FAM227B: variants seen among roughly 807,000 people sequenced by gnomAD.
FAM227B encodes family with sequence similarity 227 member B.
A neutral mutation model predicts 73.8 loss-of-function variants in FAM227B; 88 were observed. That is an observed-to-expected ratio of 1.19 (90% CI 1.00 to 1.42). The LOEUF (loss-of-function observed/expected upper bound fraction) is 1.42. Among genes scored for constraint, FAM227B ranks in the 40% most tolerant of loss-of-function variants. The pLI is 0.00. For synonymous variants in FAM227B, 210 were observed against 190.5 expected (o/e 1.10, Z -0.84); for missense variants, 632 against 590.9 (o/e 1.07, Z -0.72).
intron 11 of FAM227B, among the ~76,000 whole-genome samples, chr15:49,454,847 G>T (rs1597306856): frequency 6.6e-6 from 1 of 152,238 alleles, no homozygotes; most frequent in African/African-American, 2.4e-5. Context: ...CTGACCTCGT[G>T]ATCCGCTCGC....
At chr15:49,574,688 GA>G (rs2075336174) in intron 8 of FAM227B, 1 of 164,698 alleles carries the variant, frequency 6.1e-6, no homozygotes, top group East Asian at 1.7e-4. Flanking sequence ...ATCCTAATCA[GA>G]ATTCTCACCT....
chr15:49,430,013 T>C (rs1193793482), intron 11 of FAM227B, among the ~76,000 whole-genome samples: 2 of 151,888 alleles, frequency 1.3e-5, no homozygotes, highest in Non-Finnish European at 2.9e-5. Flanking sequence ...GATTCAAAGT[T>C]AACTTGAACC....
chr15:49,586,669 C>T (rs941710554), intron 5 of FAM227B, among the ~76,000 whole-genome samples: 6 of 151,614 alleles, frequency 4.0e-5, no homozygotes, highest in South Asian at 2.1e-4. Context: ...CCAACTCACA[C>T]GGAACTTAAT....
intron 8 of FAM227B, among the ~76,000 whole-genome samples, chr15:49,571,521 T>C (rs940285553): frequency 3.9e-5 from 6 of 151,934 alleles, no homozygotes; most frequent in Non-Finnish European, 7.4e-5. Context: ...TGCTGACTTT[T>C]GTATATTATG....
At chr15:49,435,030 C>T (rs985032028) in intron 11 of FAM227B, among the ~76,000 whole-genome samples, 1 of 151,190 alleles carries the variant, frequency 6.6e-6, no homozygotes, top group Non-Finnish European at 1.5e-5. Context: ...AATAAAAATA[C>T]ATTCATACAA....
chr15:49,620,800 G>T lies in FAM227B; in HGVS notation c.-173C>A, dbSNP rs1312282782. 1 of 152,202 alleles carries T rather than the reference G, an allele frequency of 6.6e-6. No individual in the cohort carries two copies. Among genetic ancestry groups the T allele is most frequent in the Non-Finnish European group, 1.5e-5 (1 of 68,044 alleles). The allele number at this position is 152,202 out of a possible 1,614,324, so 9.4% of individuals were successfully genotyped here. A position where few individuals can be genotyped will look rare whatever the true frequency, so the allele number is the denominator to read the frequency against. On this transcript the variant is annotated 5_prime_UTR_variant, in exon 1 of 16. Coordinates refer to ENST00000299338, the MANE Select transcript of FAM227B (RefSeq NM_152647.3). Reference sequence around the variant, plus strand: ...TGGGTGAAAGGCTGCGAGGCTTGAGGCGGGTCCCGGACGAACGCGGCCCTG... The same window carrying T: ...TGGGTGAAAGGCTGCGAGGCTTGAGTCGGGTCCCGGACGAACGCGGCCCTG...
chr15:49,328,253 T>C lies in FAM227B; in HGVS notation c.*315A>G. The C allele has an allele frequency of 2.6e-5, 38 of 1,482,584 alleles. No individual in the cohort carries two copies. The highest frequency in any genetic ancestry group is 3.4e-5 in the Non-Finnish European group (38 of 1,115,734). The allele number at this position is 1,482,584 out of a possible 1,614,324, so 91.8% of individuals were successfully genotyped here. On this transcript the variant is annotated 3_prime_UTR_variant, in exon 16 of 16. Transcript: ENST00000299338. Reference sequence around the variant, plus strand: ...GTAAATTAATCTTCCTTCTGTTTTGTATTATGATGAACGGTTGCTATTATA... The same window carrying C: ...GTAAATTAATCTTCCTTCTGTTTTGCATTATGATGAACGGTTGCTATTATA...
intron 8 of FAM227B, among the ~76,000 whole-genome samples, chr15:49,571,003 A>T (rs889135412): frequency 6.6e-6 from 1 of 150,408 alleles, no homozygotes; most frequent in Non-Finnish European, 1.5e-5. Flanking sequence ...GGTTGCTTTC[A>T]TATCTCGGTT....
chr15:49,356,124 C>A (rs542340753), intron 13 of FAM227B, among the ~76,000 whole-genome samples: 2 of 152,140 alleles, frequency 1.3e-5, no homozygotes, highest in East Asian at 1.9e-4. Flanking sequence ...CGGTACCAGC[C>A]GCTGTAAAAT....
At chr15:49,554,241 T>C (rs997316353) in intron 9 of FAM227B, among the ~76,000 whole-genome samples, 2 of 152,136 alleles carry the variant, frequency 1.3e-5, no homozygotes, top group Non-Finnish European at 2.9e-5. Flanking sequence ...CTTTCAGAGC[T>C]GTGAGCTGTG....
At chr15:49,609,457 T>G (rs1038089521) in intron 3 of FAM227B, among the ~76,000 whole-genome samples, 5 of 151,952 alleles carry the variant, frequency 3.3e-5, no homozygotes, top group African/African-American at 1.2e-4. Flanking sequence ...AACAAGTAGC[T>G]AACATGTAGG....
intron 3 of FAM227B, among the ~76,000 whole-genome samples, chr15:49,591,029 GT>G (rs71424023): frequency 3.8e-3 from 399 of 105,590 alleles, no homozygotes; most frequent in African/African-American, 8.7e-3. Flanking sequence ...TCTTTTTTTT[GT>G]TTTTTTTTTT....
chr15:49,562,063 G>T (rs2074306470), intron 9 of FAM227B, among the ~76,000 whole-genome samples: 1 of 151,712 alleles, frequency 6.6e-6, no homozygotes, highest in South Asian at 2.1e-4. Flanking sequence ...GCCAAAAGCT[G>T]ATTCTTTGAG....
chr15:49,448,623 A>G (rs1308871531), intron 11 of FAM227B, among the ~76,000 whole-genome samples: 1 of 151,590 alleles, frequency 6.6e-6, no homozygotes, highest in Non-Finnish European at 1.5e-5. Context: ...GTGATTTCCA[A>G]ATATTCTTTG....
intron 13 of FAM227B, among the ~76,000 whole-genome samples, chr15:49,344,602 A>G (rs1217212265): frequency 1.3e-5 from 2 of 152,222 alleles, no homozygotes; most frequent in Admixed American, 1.3e-4. Context: ...AAGGAAAGAT[A>G]GCCCTGGTCT....
At chr15:49,464,036 G>A (rs897302829) in intron 11 of FAM227B, among the ~76,000 whole-genome samples, 1 of 152,038 alleles carries the variant, frequency 6.6e-6, no homozygotes, top group Non-Finnish European at 1.5e-5. Context: ...TGAATAAGTT[G>A]TGATTTTTTT....
intron 4 of FAM227B, 47 bp from the exon 5 acceptor site, chr15:49,588,130 C>G: frequency 8.8e-7 from 1 of 1,139,862 alleles, no homozygotes; most frequent in Non-Finnish European, 1.2e-6. Context: ...ACATATGAAC[C>G]TCCTCTAAAA....
intron 13 of FAM227B, among the ~76,000 whole-genome samples, chr15:49,362,971 C>G (rs1235026694): frequency 6.6e-6 from 1 of 152,092 alleles, no homozygotes; most frequent in Non-Finnish European, 1.5e-5. Context: ...TCTTCTGTTC[C>G]ATACGTCTTT....
intron 14 of FAM227B, among the ~76,000 whole-genome samples, chr15:49,332,306 C>G (rs1286343041): frequency 6.6e-6 from 1 of 152,072 alleles, no homozygotes; most frequent in East Asian, 1.9e-4. Context: ...TAAGGAGTGA[C>G]AGTGGGGAGA....
Sources: gnomAD v4.1 joint callset for allele counts (sites outside exome capture counted in the v4.1 genomes callset) on GRCh38, gnomAD v4.1.1 for gene constraint, MANE v1.5 for transcripts, NCBI Gene and HGNC (gene_info 2026-07-23, HGNC 2026-07-21) for gene names.